Variants in CDH19 observed in about 807,000 individuals in gnomAD.
CDH19 encodes cadherin 19.
A neutral mutation model predicts 64.2 loss-of-function variants in CDH19; 67 were observed. The ratio of observed to expected loss-of-function variants is 1.04; its 90% confidence interval spans 0.86 to 1.28. The LOEUF is 1.28. Ranked by LOEUF, CDH19 falls within the 50% of genes most tolerant of loss-of-function variation. CDH19 has a pLI of 0.00. For synonymous variants in CDH19, 346 were observed against 319.3 expected (o/e 1.08, Z -0.89); for missense variants, 1,030 against 929.0 (o/e 1.11, Z -1.41).
intron 1 of CDH19, among the ~76,000 whole-genome samples, chr18:66,572,990 T>G (rs1988152966): frequency 6.6e-6 from 1 of 151,618 alleles, no homozygotes. Context: ...TGGGTAAGAA[T>G]GGGTGAATGT....
At position 66,515,458 on chromosome 18, in the gene CDH19, A is replaced by G. The variant is rs576273600; in HGVS notation, c.1459-3773T>C. Reference sequence around the variant, plus strand: ...CTAATAGAAGTAGAACCAACAAGAAAGTCTAGGTTGTAGTATGCTTGTTGT... The same window carrying G: ...CTAATAGAAGTAGAACCAACAAGAAGGTCTAGGTTGTAGTATGCTTGTTGT... On this transcript the variant is annotated intron_variant, in intron 9 of 11. Coordinates refer to ENST00000262150, the MANE Select transcript of CDH19 (RefSeq NM_021153.4). 8.6e-5 allele frequency among the ~76,000 whole-genome samples: 13 copies of G among 151,958 alleles called. No homozygotes were observed. The South Asian group carries it at 2.5e-3, about 29-fold the overall frequency.
chr18:66,565,040 T>C (rs1191089424), intron 3 of CDH19, among the ~76,000 whole-genome samples: 2 of 151,898 alleles, frequency 1.3e-5, no homozygotes, highest in Non-Finnish European at 2.9e-5. Context: ...ATCACTTATT[T>C]AGCATTTTTT....
chr18:66,599,425 G>A (rs1263054485), intron 1 of CDH19, among the ~76,000 whole-genome samples: 3 of 152,032 alleles, frequency 2.0e-5, no homozygotes, highest in Non-Finnish European at 4.4e-5. Flanking sequence ...ATGAGGAAAT[G>A]AAGGTCAAAT....
intron 1 of CDH19, among the ~76,000 whole-genome samples, chr18:66,591,054 A>C (rs1268056943): frequency 1.3e-5 from 2 of 151,898 alleles, no homozygotes; most frequent in African/African-American, 2.4e-5. Context: ...ATAAAATGTA[A>C]TGATTTGTAC....
intron 5 of CDH19, among the ~76,000 whole-genome samples, chr18:66,549,264 T>C (rs1987252579): frequency 6.6e-6 from 1 of 152,112 alleles, no homozygotes; most frequent in Non-Finnish European, 1.5e-5. Flanking sequence ...CTGAGAAAGG[T>C]AGTAGAAGCT....
At chr18:66,599,217 T>C (rs1418927251) in intron 1 of CDH19, among the ~76,000 whole-genome samples, 1 of 152,146 alleles carries the variant, frequency 6.6e-6, no homozygotes, top group African/African-American at 2.4e-5. Context: ...GCACAATGTT[T>C]AATGCTATTA....
intron 3 of CDH19, among the ~76,000 whole-genome samples, chr18:66,559,165 T>C (rs201040510): frequency 1.3e-5 from 2 of 152,182 alleles, no homozygotes; most frequent in East Asian, 3.9e-4. Context: ...CTGTAACCTC[T>C]TGAAACTTTT....
chr18:66,513,478 A>G (rs1205256411), intron 9 of CDH19, among the ~76,000 whole-genome samples: 1 of 151,498 alleles, frequency 6.6e-6, no homozygotes, highest in Non-Finnish European at 1.5e-5. Context: ...AATGAGTCAT[A>G]TATCAAGTAT....
chr18:66,538,686 T>C (rs1236141909), intron 7 of CDH19, among the ~76,000 whole-genome samples: 1 of 152,144 alleles, frequency 6.6e-6, no homozygotes, highest in Non-Finnish European at 1.5e-5. Context: ...ATAAATTAAC[T>C]CTATTAGATT....
chr18:66,601,696 C>T (rs1346060697), intron 1 of CDH19, among the ~76,000 whole-genome samples: 2 of 151,732 alleles, frequency 1.3e-5, no homozygotes, highest in Admixed American at 6.6e-5. Flanking sequence ...ATTCTCTTAA[C>T]GAATCATATC....
At chr18:66,506,645 C>T (rs1431152959) in intron 11 of CDH19, among the ~76,000 whole-genome samples, 1 of 151,524 alleles carries the variant, frequency 6.6e-6, no homozygotes, top group Non-Finnish European at 1.5e-5. Context: ...AACACTTTTG[C>T]TTTAATTTTA....
At chr18:66,601,625 T>A (rs1053261902) in intron 1 of CDH19, among the ~76,000 whole-genome samples, 2 of 151,972 alleles carry the variant, frequency 1.3e-5, no homozygotes, top group African/African-American at 4.8e-5. Flanking sequence ...TATTGAGTAA[T>A]TAATGTGACA....
Position 66,505,158 on chromosome 18 carries a change from T to G in CDH19, c.1973A>C (p.Glu658Ala). 1 of 1,613,502 alleles carries G rather than the reference T, an allele frequency of 6.2e-7. No individual in the cohort carries two copies. Residue 658 changes from glutamate (E) to alanine (A), a missense_variant, in exon 12 of 12, where the codon GAG becomes GCG. Transcript: ENST00000262150. The stretch of plus-strand genomic sequence containing the variant: ...CCGCATTATGGTACTACTCCTCAGC[T>G]CTGCTATATCAAAGGCCTCTGTATC... The part of the protein sequence containing the change: ...EEDTEAFDIA[E>A]LRSSTIMRER...
At chr18:66,537,729 G>T (rs963155907) in intron 7 of CDH19, among the ~76,000 whole-genome samples, 1 of 152,012 alleles carries the variant, frequency 6.6e-6, no homozygotes, top group Non-Finnish European at 1.5e-5. Context: ...TATCAGATGA[G>T]TTGCAGCATC....
chr18:66,579,278 A>G (rs757710068), intron 1 of CDH19, among the ~76,000 whole-genome samples: 1 of 152,070 alleles, frequency 6.6e-6, no homozygotes, highest in Non-Finnish European at 1.5e-5. Context: ...CATTGCCTAT[A>G]AAGTATTTTA....
At chr18:66,520,986 T>C (rs1024284611) in intron 9 of CDH19, among the ~76,000 whole-genome samples, 2 of 152,080 alleles carry the variant, frequency 1.3e-5, no homozygotes, top group Admixed American at 6.5e-5. Flanking sequence ...ATTAGATAAA[T>C]GGTGTCCCAA....
intron 8 of CDH19, chr18:66,532,489 T>TAC (rs34280650): frequency 0.078 from 11,495 of 146,606 alleles, 466 homozygotes; most frequent in African/African-American, 0.1. Context: ...AGAGCATTCA[T>TAC]ACACACACAC....
chr18:66,521,931 T>A (rs531186703), intron 9 of CDH19, among the ~76,000 whole-genome samples: 1 of 149,294 alleles, frequency 6.7e-6, no homozygotes, highest in African/African-American at 2.4e-5. Context: ...GTTGTTGTTG[T>A]TGTTGTTGTT....
chr18:66,551,749 G>C (rs944389876), intron 4 of CDH19, among the ~76,000 whole-genome samples: 1 of 151,910 alleles, frequency 6.6e-6, no homozygotes. Flanking sequence ...TATTTTATGT[G>C]TGTGTGTATA....
Sources: gnomAD v4.1 joint callset for allele counts (sites outside exome capture counted in the v4.1 genomes callset) on GRCh38, gnomAD v4.1.1 for gene constraint, MANE v1.5 for transcripts, NCBI Gene and HGNC (gene_info 2026-07-23, HGNC 2026-07-21) for gene names.